Variants in SPTBN1 observed in about 807,000 individuals in gnomAD.
The protein encoded by SPTBN1 is spectrin beta chain, non-erythrocytic 1.
Under a neutral mutation model 266.4 loss-of-function variants are expected in SPTBN1, and 32 were observed. That is an observed-to-expected ratio of 0.12 (90% CI 0.09 to 0.16). The LOEUF is 0.16. Among genes scored for constraint, SPTBN1 ranks in the 10% least tolerant of loss-of-function variants. The probability of loss-of-function intolerance (pLI) is 1.00; values close to 1 mark genes in which losing one functional copy is unlikely to be tolerated. For missense variants in SPTBN1, 2,296 were observed against 3,067.1 expected, an observed-to-expected ratio of 0.75 and a Z score of 5.94; for synonymous variants, 1,336 against 1,162.2, an observed-to-expected ratio of 1.15 and a Z score of -3.04.
intron 1 of SPTBN1, among the ~76,000 whole-genome samples, chr2:54,514,302 T>C (rs561263423): frequency 1.4e-4 from 21 of 152,344 alleles, no homozygotes; most frequent in African/African-American, 4.3e-4. Context: ...AAACAGTGTA[T>C]TTCCCACGAG....
intron 33 of SPTBN1, 28 bp from the exon 34 acceptor site, chr2:54,665,887 C>A: frequency 6.3e-7 from 1 of 1,594,826 alleles, no homozygotes; most frequent in Non-Finnish European, 8.5e-7. Flanking sequence ...CCTTTATCTC[C>A]CCCTGCCCTT....
intron 2 of SPTBN1, among the ~76,000 whole-genome samples, chr2:54,571,718 G>C (rs1362814430): frequency 6.6e-6 from 1 of 152,062 alleles, no homozygotes; most frequent in African/African-American, 2.4e-5. Flanking sequence ...GTGTATCTCT[G>C]TATTCCTTCT....
At position 54,659,075 on chromosome 2, in the gene SPTBN1, C is replaced by A. The variant is rs562510380; in HGVS notation, c.6244-79C>A. 69 of 1,498,862 alleles carry A rather than the reference C, an allele frequency of 4.6e-5. No individual in the cohort carries two copies. The South Asian group carries it at 7.5e-4, about 16-fold the overall frequency. The allele number at this position is 1,498,862 out of a possible 1,614,324, so 92.8% of individuals were successfully genotyped here. ...CAGTTTAGCAAACTAGACAGGAGGA[C>A]TTCCTGGGTTCCTAGAACCTTTTTC... On this transcript the variant is annotated intron_variant, in intron 30 of 35. Transcript: ENST00000356805.
chr2:54,548,555 T>G (rs1009556242), intron 2 of SPTBN1, among the ~76,000 whole-genome samples: 1 of 152,210 alleles, frequency 6.6e-6, no homozygotes, highest in Non-Finnish European at 1.5e-5. Context: ...CCCACTTCAT[T>G]GACTGGCATG....
intron 1 of SPTBN1, among the ~76,000 whole-genome samples, chr2:54,501,688 T>A (rs567095385): frequency 8.5e-5 from 13 of 152,314 alleles, no homozygotes; most frequent in African/African-American, 3.1e-4. Flanking sequence ...TGCTCAGTGC[T>A]CCTTGACATG....
At chr2:54,640,209 C>T (rs1265059256) in intron 18 of SPTBN1, among the ~76,000 whole-genome samples, 1 of 152,056 alleles carries the variant, frequency 6.6e-6, no homozygotes, top group Non-Finnish European at 1.5e-5. Flanking sequence ...TGGACCAGCC[C>T]TACATTTGAT....
chr2:54,640,423 G>C (rs1486934861), intron 18 of SPTBN1, among the ~76,000 whole-genome samples: 1 of 152,168 alleles, frequency 6.6e-6, no homozygotes, highest in Non-Finnish European at 1.5e-5. Context: ...ACACCACCTA[G>C]ATGAGGACAG....
intron 1 of SPTBN1, among the ~76,000 whole-genome samples, chr2:54,460,004 G>T (rs913323438): frequency 6.6e-6 from 1 of 152,140 alleles, no homozygotes; most frequent in Non-Finnish European, 1.5e-5. Context: ...AGATATACCT[G>T]TGTTTCTATT....
At chr2:54,485,761 G>C (rs558437777) in intron 1 of SPTBN1, among the ~76,000 whole-genome samples, 1 of 150,972 alleles carries the variant, frequency 6.6e-6, no homozygotes, top group Non-Finnish European at 1.5e-5. Context: ...CCTCTTCCCG[G>C]CCGCCATCAC....
chr2:54,529,794 TG>T (rs1671094239), intron 2 of SPTBN1: 1 of 524,714 alleles, frequency 1.9e-6, no homozygotes, highest in Non-Finnish European at 3.6e-6. Flanking sequence ...CCAACAAAAT[TG>T]GGATCATCCA....
At chr2:54,516,138 C>T (rs1670098089) in intron 1 of SPTBN1, 3 of 152,080 alleles carry the variant, frequency 2.0e-5, no homozygotes, top group Admixed American at 1.3e-4. Context: ...GAGGGTAGGC[C>T]AATTTGTTCA....
In SPTBN1 at chr2:54,599,163, C is replaced by T. The variant is rs1377569267; in HGVS notation, c.220C>T (p.Arg74Trp). The stretch of plus-strand genomic sequence containing the variant: ...TTCCCACCTTGCCCGTGTGTCCTGC[C>T]GGATCACAGACCTGTACACTGACCT... The part of the protein sequence containing the change: ...VNSHLARVSC[R>W]ITDLYTDLRD... The change falls in exon 3 of 36, where the codon CGG becomes TGG. Residue 74 changes from arginine (R) to tryptophan (W), a missense_variant. Transcript: ENST00000356805. 8 of 1,613,990 alleles carry T rather than the reference C, an allele frequency of 5.0e-6. No homozygotes were observed. The highest frequency in any genetic ancestry group is 5.9e-6 in the Non-Finnish European group (7 of 1,180,040).
At chr2:54,592,528 A>G (rs1291633824) in intron 2 of SPTBN1, among the ~76,000 whole-genome samples, 1 of 152,002 alleles carries the variant, frequency 6.6e-6, no homozygotes, top group African/African-American at 2.4e-5. Flanking sequence ...GGGATTACAG[A>G]CATGCGCCAC....
chr2:54,651,958 CAG>C (rs1680319296), intron 26 of SPTBN1, among the ~76,000 whole-genome samples: 2 of 152,112 alleles, frequency 1.3e-5, no homozygotes, highest in Non-Finnish European at 2.9e-5. Flanking sequence ...TCTGTGCAAT[CAG>C]GGGTCAGTAA....
At chr2:54,484,872 T>G (rs1216823064) in intron 1 of SPTBN1, among the ~76,000 whole-genome samples, 1 of 152,090 alleles carries the variant, frequency 6.6e-6, no homozygotes, top group East Asian at 1.9e-4. Flanking sequence ...ATAAGAGTGT[T>G]CAGACCAAGA....
Position 54,628,164 on chromosome 2 carries a change from C to T in SPTBN1, c.1712C>T (p.Thr571Ile). 1.2e-6 allele frequency: 2 copies of T among 1,614,048 alleles called. No homozygotes were observed. The highest frequency in any genetic ancestry group is 2.2e-5 in the South Asian group (2 of 91,072). ...LGVEDLLQKH[T>I]LVEADIGIQA... is the part of the protein sequence containing the mutation. ...GTGGAAGACCTGTTACAGAAGCACA[C>T]CCTGGTTGAAGCAGACATTGGCATC... Residue 571 changes from threonine (T) to isoleucine (I), a missense_variant, in exon 13 of 36, where the codon ACC (threonine) becomes ATC (isoleucine). Physicochemically the swap from Thr to Ile is moderately conservative, Grantham distance 89. Transcript: ENST00000356805. The surrounding 1 kb of genome is among the most constrained non-coding windows in gnomAD (Gnocchi z 4.3).
At chr2:54,506,683 C>A (rs1309113036) in intron 1 of SPTBN1, among the ~76,000 whole-genome samples, 1 of 152,018 alleles carries the variant, frequency 6.6e-6, no homozygotes, top group Non-Finnish European at 1.5e-5. Flanking sequence ...GAGAGAAATA[C>A]CCAATAGTTC....
At chr2:54,460,715 AC>A (rs1034021491) in intron 1 of SPTBN1, among the ~76,000 whole-genome samples, 10 of 152,188 alleles carry the variant, frequency 6.6e-5, no homozygotes, top group Non-Finnish European at 1.2e-4. Context: ...AGAATCGTAA[AC>A]CAGCTGGGTG....
Position 54,646,567 on chromosome 2 carries a change from A to G in SPTBN1, c.4866+92A>G, listed in dbSNP as rs1024231000. 3.8e-5 allele frequency: 53 copies of G among 1,384,794 alleles called. No homozygotes were observed. In the Admixed American group the frequency reaches 5.9e-4, roughly 15 times the overall value. The allele number at this position is 1,384,794 out of a possible 1,614,324, so 85.8% of individuals were successfully genotyped here. A position where few individuals can be genotyped will look rare whatever the true frequency, so the allele number is the denominator to read the frequency against. ...TGCTGGCGGCTCTGTCTGTATAAAA[A>G]CTTCCCTTGTAGCCTTTGAGTGTTA... is the stretch of plus-strand genomic sequence containing the variant. On this transcript the variant is annotated intron_variant, in intron 23 of 35. Coordinates refer to ENST00000356805, the MANE Select transcript of SPTBN1 (RefSeq NM_003128.3). This position sits in a 1 kb window ranked among gnomAD's most constrained non-coding sequence, Gnocchi z 4.4.
Sources: allele counts gnomAD v4.1 joint callset (sites outside exome capture counted in the v4.1 genomes callset), GRCh38; gene constraint gnomAD v4.1.1; non-coding constraint Gnocchi (gnomAD v3.1); transcripts MANE v1.5; gene names NCBI Gene and HGNC (gene_info 2026-07-23, HGNC 2026-07-21).